Variants in PAPPA2 observed in about 807,000 individuals in gnomAD.
PAPPA2 encodes the protein pappalysin 2, also known as pappalysin-2.
PAPPA2 carries 86 observed loss-of-function variants against 176.4 expected under a neutral mutation model. The observed-to-expected ratio is 0.49, with a 90% CI of 0.41 to 0.58. PAPPA2 has a LOEUF of 0.58. Among genes scored for constraint, PAPPA2 ranks in the 20% least tolerant of loss-of-function variants. PAPPA2 has a pLI of 0.00. For missense variants in PAPPA2, 2,073 were observed against 2,256.9 expected (o/e 0.92, Z 1.65); for synonymous variants, 809 against 852.2 (o/e 0.95, Z 0.88).
At chr1:176,741,161 G>A (rs1662662985) in intron 14 of PAPPA2, among the ~76,000 whole-genome samples, 1 of 152,180 alleles carries the variant, frequency 6.6e-6, no homozygotes, top group Non-Finnish European at 1.5e-5. Flanking sequence ...TTCTGAGGGT[G>A]AGGAATCTGG....
intron 3 of PAPPA2, among the ~76,000 whole-genome samples, chr1:176,619,556 TATAAA>T: frequency 6.6e-6 from 1 of 152,334 alleles, no homozygotes; most frequent in East Asian, 1.9e-4. Context: ...TGCTTTCTCT[TATAAA>T]AGCATTTATA....
intron 3 of PAPPA2, among the ~76,000 whole-genome samples, chr1:176,630,074 C>G (rs1047656056): frequency 1.3e-5 from 2 of 151,984 alleles, no homozygotes; most frequent in Non-Finnish European, 2.9e-5. Flanking sequence ...AACAAACAAA[C>G]AAATCATTGA....
Position 176,674,535 on chromosome 1 carries a change from C to T in PAPPA2, c.2137+3420C>T, listed in dbSNP as rs1297443393. ...TGTTTGGTTTCCCATTCCTGAGTTACTTCACTTAGAATAATGTTCTCCAGC... is the reference window on the plus strand; with the variant it reads ...TGTTTGGTTTCCCATTCCTGAGTTATTTCACTTAGAATAATGTTCTCCAGC... On this transcript the variant is annotated intron_variant, in intron 4 of 22. Transcript: ENST00000367662. Among the ~76,000 whole-genome samples the T allele has an allele frequency of 8.5e-5, 13 of 152,076 alleles. No homozygotes were observed. In the East Asian group the frequency reaches 2.5e-3, roughly 29 times the overall value.
chr1:176,471,973 C>T (rs1271963808), intron 1 of PAPPA2, among the ~76,000 whole-genome samples: 3 of 152,274 alleles, frequency 2.0e-5, no homozygotes, highest in Middle Eastern at 3.4e-3. Flanking sequence ...ATATGGGTGG[C>T]ACATTAGAAA....
intron 20 of PAPPA2, among the ~76,000 whole-genome samples, chr1:176,799,356 GGC>G (rs1257067620): frequency 6.6e-6 from 1 of 152,114 alleles, no homozygotes; most frequent in Non-Finnish European, 1.5e-5. Flanking sequence ...ATCTGGAAAT[GGC>G]CATCAGGAAA....
In PAPPA2 at chr1:176,557,117, C is replaced by G. The variant is rs373469891; in HGVS notation, c.795C>G (p.Phe265Leu). The stretch of plus-strand genomic sequence containing the variant: ...AAGTAGGACTGCCCATCTTATACTT[C>G]TCTGGGAGGCGGGAGCGGCTGCTGC... ...NSQVGLPILY[F>L]SGRRERLLLR... Residue 265 changes from phenylalanine (F) to leucine (L), a missense_variant, in exon 2 of 23, where the codon TTC becomes TTG. Transcript: ENST00000367662. The G allele has an allele frequency of 6.2e-7, 1 of 1,613,910 alleles. No individual in the cohort carries two copies. The highest frequency in any genetic ancestry group is 8.5e-7 in the Non-Finnish European group (1 of 1,180,000).
intron 1 of PAPPA2, among the ~76,000 whole-genome samples, chr1:176,479,068 C>T (rs1401232584): frequency 1.3e-5 from 2 of 152,132 alleles, no homozygotes; most frequent in Admixed American, 6.5e-5. Flanking sequence ...ACTCAAAAAA[C>T]ATTTTAGACC....
Position 176,594,926 on chromosome 1 carries a change from G to A in PAPPA2, c.1322G>A (p.Ser441Asn), listed in dbSNP as rs374840800. ...CTGCCACAAAGCCATTTTCAGCACA[G>A]TTCTCAGCATTCAAGTGGGGAGGAG... ...TALPQSHFQHSSQHSSGEEEA... is the reference protein window; with the variant it reads ...TALPQSHFQHNSQHSSGEEEA... Residue 441 changes from serine to asparagine, a missense_variant, in exon 3 of 23, where the codon AGT becomes AAT. Around this residue, in one of 4 missense-constraint regions of PAPPA2, gnomAD observed 1,196 missense variants for 1,330.4 expected, o/e 0.90. Transcript: ENST00000367662. The A allele has an allele frequency of 2.4e-5, 38 of 1,614,120 alleles. No individual in the cohort carries two copies. In the East Asian group the frequency reaches 2.7e-4, roughly 11 times the overall value.
chr1:176,835,550 A>G (rs1254177902), intron 21 of PAPPA2, among the ~76,000 whole-genome samples: 2 of 151,836 alleles, frequency 1.3e-5, no homozygotes, highest in African/African-American at 4.8e-5. Flanking sequence ...ACGGAGTTTC[A>G]CTCTTGTCAC....
chr1:176,664,982 G>A (rs1394298816), intron 3 of PAPPA2, among the ~76,000 whole-genome samples: 2 of 152,118 alleles, frequency 1.3e-5, no homozygotes, highest in African/African-American at 4.8e-5. Context: ...TTGTACTGAG[G>A]GGGTGGAGTG....
intron 11 of PAPPA2, 101 bp downstream of exon 11, chr1:176,710,277 A>T (rs1201827476): frequency 1.8e-6 from 2 of 1,089,626 alleles, no homozygotes; most frequent in East Asian, 2.4e-5. Flanking sequence ...TTAAAAGAAG[A>T]AGTAAGGAGT....
intron 3 of PAPPA2, among the ~76,000 whole-genome samples, chr1:176,600,834 G>A (rs974520495): frequency 6.6e-6 from 1 of 152,162 alleles, no homozygotes; most frequent in African/African-American, 2.4e-5. Context: ...AAGCACCTTC[G>A]ACTGTTGAGG....
chr1:176,752,338 A>T (rs1008890437), intron 14 of PAPPA2, among the ~76,000 whole-genome samples: 1 of 107,958 alleles, frequency 9.3e-6, no homozygotes, highest in Admixed American at 9.3e-5. Context: ...AACTTAGAGT[A>T]TAATAAAAAA....
intron 12 of PAPPA2, among the ~76,000 whole-genome samples, chr1:176,726,228 C>T (rs757515417): frequency 3.9e-5 from 6 of 152,194 alleles, no homozygotes; most frequent in Admixed American, 3.9e-4. Flanking sequence ...TATTATAGAA[C>T]CTAACCCTTT....
intron 2 of PAPPA2, among the ~76,000 whole-genome samples, chr1:176,579,782 A>G (rs1338589779): frequency 5.9e-5 from 9 of 152,192 alleles, no homozygotes. Context: ...GACTTGCTCA[A>G]CTTCTCTGAT....
chr1:176,595,613 G>A lies in PAPPA2; in HGVS notation c.1991+18G>A. 6.3e-7 allele frequency: 1 copy of A among 1,590,970 alleles called. No individual in the cohort carries two copies. The highest frequency in any genetic ancestry group is 1.7e-5 in the Admixed American group (1 of 58,522). On this transcript the variant is annotated intron_variant, in intron 3 of 22. Transcript: ENST00000367662. Reference sequence around the variant, plus strand: ...CCCAAGAGGTAAGGGACTGGGATTTGGGGTGTCCTACTTGTAGGATGCATT... The same window carrying A: ...CCCAAGAGGTAAGGGACTGGGATTTAGGGTGTCCTACTTGTAGGATGCATT...
intron 12 of PAPPA2, among the ~76,000 whole-genome samples, chr1:176,734,393 AACACACACAC>A (rs34765229): frequency 4.1e-5 from 6 of 147,346 alleles, no homozygotes; most frequent in East Asian, 4.0e-4. Context: ...ACCCTTCTGA[AACACACACAC>A]ACACACACAC....
At chr1:176,582,630 T>C (rs1653058004) in intron 2 of PAPPA2, among the ~76,000 whole-genome samples, 1 of 151,882 alleles carries the variant, frequency 6.6e-6, no homozygotes, top group Non-Finnish European at 1.5e-5. Flanking sequence ...TAGTGTATGT[T>C]TTTTTTTATG....
At chr1:176,698,201 G>A (rs1053031984) in intron 7 of PAPPA2, among the ~76,000 whole-genome samples, 2 of 152,110 alleles carry the variant, frequency 1.3e-5, no homozygotes, top group Non-Finnish European at 2.9e-5. Flanking sequence ...TTTGGTAAAT[G>A]TAGGTATTTA....
Sources: allele counts gnomAD v4.1 joint callset (sites outside exome capture counted in the v4.1 genomes callset), GRCh38; gene constraint gnomAD v4.1.1; regional missense constraint gnomAD v4.1.1; transcripts MANE v1.5; gene names NCBI Gene and HGNC (gene_info 2026-07-23, HGNC 2026-07-21).